The following RORA variants were observed in gnomAD, a reference collection of about 807,000 sequenced individuals.
RORA encodes RAR related orphan receptor A.
A neutral mutation model predicts 69.5 loss-of-function variants in RORA; 7 were observed. That is an observed-to-expected ratio of 0.10 (90% CI 0.06 to 0.19). The LOEUF is 0.19. Among genes scored for constraint, RORA ranks in the 10% least tolerant of loss-of-function variants. RORA has a pLI of 1.00. For missense variants in RORA, 457 were observed against 663.0 expected (o/e 0.69, Z 3.41); for synonymous variants, 261 against 240.8 (o/e 1.08, Z -0.78).
intron 1 of RORA, among the ~76,000 whole-genome samples, chr15:60,833,760 G>T (rs1004322501): frequency 6.6e-6 from 1 of 152,204 alleles, no homozygotes; most frequent in Non-Finnish European, 1.5e-5. Flanking sequence ...TCTCTGGAAA[G>T]GTTCTAAGAT....
chr15:60,617,715 T>C (rs1046377777), intron 2 of RORA, among the ~76,000 whole-genome samples: 1 of 147,504 alleles, frequency 6.8e-6, no homozygotes, highest in African/African-American at 2.5e-5. Context: ...GAGAGAAACC[T>C]AAAACTGTGA....
At chr15:61,096,828 T>A (rs931569072) in intron 1 of RORA, among the ~76,000 whole-genome samples, 5 of 152,192 alleles carry the variant, frequency 3.3e-5, no homozygotes, top group Non-Finnish European at 7.3e-5. Flanking sequence ...TCGTGATACA[T>A]TTCCCATCGT....
intron 1 of RORA, among the ~76,000 whole-genome samples, chr15:61,013,481 T>G (rs1595877736): frequency 1.3e-5 from 2 of 152,226 alleles, no homozygotes; most frequent in Non-Finnish European, 2.9e-5. Flanking sequence ...CAAATACTGA[T>G]GTAAAATGTG....
intron 2 of RORA, among the ~76,000 whole-genome samples, chr15:60,669,383 T>G (rs1207193611): frequency 3.3e-5 from 5 of 152,054 alleles, no homozygotes; most frequent in Non-Finnish European, 5.9e-5. Context: ...TTTTTTAACG[T>G]AGTTGGTCAC....
At chr15:61,029,738 G>A (rs1896044830) in intron 1 of RORA, among the ~76,000 whole-genome samples, 2 of 152,150 alleles carry the variant, frequency 1.3e-5, no homozygotes, top group South Asian at 4.1e-4. Context: ...GATGGATAGT[G>A]GTGGCACCCA....
chr15:60,518,654 G>A (rs997502342), intron 3 of RORA, among the ~76,000 whole-genome samples: 2 of 152,140 alleles, frequency 1.3e-5, no homozygotes, highest in African/African-American at 4.8e-5. Context: ...AGACAATTAG[G>A]GACAGCCCCT....
Position 60,597,551 on chromosome 15 carries a change from C to CACACAACAT in RORA, c.197-65701_197-65700insATGTTGTGT, listed in dbSNP as rs1555435946. Reference sequence around the variant, plus strand: ...CACACACACACACACACACACACAACATATATATATATATATATATATACA... The same window carrying CACACAACAT: ...CACACACACACACACACACACACAACACACAACATATATATATATATATATATATATACA... On this transcript the variant is annotated intron_variant, in intron 2 of 10. Coordinates refer to ENST00000335670, the MANE Select transcript of RORA (RefSeq NM_134261.3). Among the ~76,000 whole-genome samples the CACACAACAT allele has an allele frequency of 9.3e-3, 234 of 25,060 alleles. 7 individuals are homozygous for CACACAACAT. Among genetic ancestry groups the CACACAACAT allele is most frequent in the Non-Finnish European group, 0.014 (194 of 13,548 alleles). The allele number at this position is 25,060 out of a possible 152,430, so 16.4% of individuals were successfully genotyped here. A position where few individuals can be genotyped will look rare whatever the true frequency, so the allele number is the denominator to read the frequency against.
intron 1 of RORA, among the ~76,000 whole-genome samples, chr15:60,996,074 T>G (rs1319913642): frequency 1.0e-5 from 1 of 99,892 alleles, no homozygotes; most frequent in Non-Finnish European, 2.4e-5. Context: ...GTTTTTTGTT[T>G]TTTTTTTTTT....
intron 1 of RORA, among the ~76,000 whole-genome samples, chr15:60,866,993 GT>G (rs2073497238): frequency 2.0e-5 from 3 of 152,120 alleles, no homozygotes; most frequent in African/African-American, 7.2e-5. Context: ...AGCCTCCCGG[GT>G]AGCTGGGACT....
chr15:60,873,785 G>T (rs341365), intron 1 of RORA, among the ~76,000 whole-genome samples: 1 of 151,900 alleles, frequency 6.6e-6, no homozygotes, highest in Non-Finnish European at 1.5e-5. Flanking sequence ...AGAGATATCC[G>T]GTTGCTGTTT....
At chr15:61,021,528 G>A (rs111279778) in intron 1 of RORA, among the ~76,000 whole-genome samples, 17 of 152,262 alleles carry the variant, frequency 1.1e-4, no homozygotes, top group African/African-American at 3.9e-4. Flanking sequence ...TACAAGTGAG[G>A]ACATTGAGGC....
At chr15:60,757,668 A>T (rs904325507) in intron 1 of RORA, among the ~76,000 whole-genome samples, 5 of 152,068 alleles carry the variant, frequency 3.3e-5, no homozygotes, top group African/African-American at 1.2e-4. Flanking sequence ...CCTGGATGTG[A>T]CTCCAGGGTG....
chr15:61,043,881 T>A (rs906197769), intron 1 of RORA, among the ~76,000 whole-genome samples: 2 of 152,180 alleles, frequency 1.3e-5, no homozygotes, highest in East Asian at 3.9e-4. Flanking sequence ...CCTGCTCTTG[T>A]GTCCAGATTA....
intron 1 of RORA, among the ~76,000 whole-genome samples, chr15:60,969,089 T>A (rs1893637800): frequency 6.6e-6 from 1 of 152,212 alleles, no homozygotes; most frequent in Non-Finnish European, 1.5e-5. Flanking sequence ...CAGTAGCAAC[T>A]TCTTACTGTA....
At chr15:60,741,187 A>G (rs1019730756) in intron 1 of RORA, among the ~76,000 whole-genome samples, 1 of 152,220 alleles carries the variant, frequency 6.6e-6, no homozygotes, top group African/African-American at 2.4e-5. Context: ...GAGAAAGTTC[A>G]GTGAACCAAT....
chr15:60,937,456 C>A (rs4774379), intron 1 of RORA, among the ~76,000 whole-genome samples: 2,492 of 152,248 alleles, frequency 0.016, 36 homozygotes, highest in Admixed American at 0.044. Context: ...CCAAGAGTTA[C>A]CAAACAGCAC....
chr15:60,883,143 A>AAAG (rs1212028380), intron 1 of RORA, among the ~76,000 whole-genome samples: 1 of 82,068 alleles, frequency 1.2e-5, no homozygotes, highest in Non-Finnish European at 2.6e-5. Context: ...AAAAAAAAAA[A>AAAG]AAAAAAAAGA....
chr15:61,113,663 A>T (rs1015302569), intron 1 of RORA, among the ~76,000 whole-genome samples: 3 of 152,178 alleles, frequency 2.0e-5, no homozygotes, highest in Non-Finnish European at 2.9e-5. Flanking sequence ...CTGTTTTTTT[A>T]AAATTCTACA....
chr15:61,201,701 G>GA (rs531866281), intron 1 of RORA, among the ~76,000 whole-genome samples: 113 of 152,220 alleles, frequency 7.4e-4, no homozygotes, highest in Admixed American at 1.3e-3. Flanking sequence ...ATGAAACACA[G>GA]AGACAGAAAC....
Sources: allele counts gnomAD v4.1 joint callset (sites outside exome capture counted in the v4.1 genomes callset), GRCh38; gene constraint gnomAD v4.1.1; transcripts MANE v1.5; gene names NCBI Gene and HGNC (gene_info 2026-07-23, HGNC 2026-07-21).